Variants in RASGEF1A observed in about 807,000 individuals in gnomAD.
The protein encoded by RASGEF1A is RasGEF domain family member 1A.
Under a neutral mutation model 56.4 loss-of-function variants are expected in RASGEF1A, and 18 were observed. The observed-to-expected ratio is 0.32, with a 90% confidence interval of 0.22 to 0.47. RASGEF1A has a LOEUF of 0.47. RASGEF1A is among the 20% of genes least tolerant of loss of function. RASGEF1A has a pLI of 1.00. For synonymous variants in RASGEF1A, 245 were observed against 242.6 expected (o/e 1.01, Z -0.09); for missense variants, 422 against 627.1 (o/e 0.67, Z 3.49).
intron 4 of RASGEF1A, among the ~76,000 whole-genome samples, chr10:43,201,362 G>T (rs1015197241): frequency 6.6e-6 from 1 of 152,194 alleles, no homozygotes; most frequent in African/African-American, 2.4e-5. Flanking sequence ...TTCCACTGTG[G>T]AGGCCCAGTT....
chr10:43,205,982 G>A lies in RASGEF1A; in HGVS notation c.135C>T (p.Leu45=). ...TCAGGGCCTCCAGGGACCCAGAGAT[G>A]AGGTGTCCATCTTGGAAGATGAGGT... is the stretch of plus-strand genomic sequence containing the variant. ...SGDLIFQDGH[L]ISGSLEALME... Residue 45 remains leucine, a synonymous_variant, in exon 2 of 13, where the codon CTC becomes CTT. Transcript: ENST00000395810. 1 of 1,613,270 alleles carries A rather than the reference G, an allele frequency of 6.2e-7. No individual in the cohort carries two copies. The highest frequency in any genetic ancestry group is 8.5e-7 in the Non-Finnish European group (1 of 1,179,968).
At chr10:43,219,787 A>G (rs1313682014) in intron 1 of RASGEF1A, among the ~76,000 whole-genome samples, 1 of 152,244 alleles carries the variant, frequency 6.6e-6, no homozygotes, top group Admixed American at 6.5e-5. Context: ...GATATGGAAT[A>G]AAAGACATAT....
intron 1 of RASGEF1A, among the ~76,000 whole-genome samples, chr10:43,218,923 G>C (rs1303648431): frequency 1.3e-5 from 2 of 152,238 alleles, no homozygotes; most frequent in Non-Finnish European, 2.9e-5. Context: ...AAGGAATCTG[G>C]TCGTCTCCTC....
At chr10:43,199,403 T>G (rs1215886730) in intron 7 of RASGEF1A, among the ~76,000 whole-genome samples, 1 of 152,150 alleles carries the variant, frequency 6.6e-6, no homozygotes, top group Non-Finnish European at 1.5e-5. Context: ...GAAGGCACCA[T>G]CTGCCCCAGA....
At chr10:43,217,489 A>G (rs904726004) in intron 1 of RASGEF1A, among the ~76,000 whole-genome samples, 1 of 152,188 alleles carries the variant, frequency 6.6e-6, no homozygotes, top group Admixed American at 6.5e-5. Flanking sequence ...AGGCTGGGTG[A>G]CCAGCCACTG....
intron 6 of RASGEF1A, 46 bp downstream of exon 6, chr10:43,200,135 TG>T: frequency 6.7e-7 from 1 of 1,487,598 alleles, no homozygotes; most frequent in Non-Finnish European, 9.2e-7. Context: ...GCGCAAGTGC[TG>T]GGCAGACAGG....
intron 1 of RASGEF1A, among the ~76,000 whole-genome samples, chr10:43,260,140 G>A (rs1175342167): frequency 6.6e-6 from 1 of 152,276 alleles, no homozygotes; most frequent in East Asian, 1.9e-4. Flanking sequence ...CAGAGCCCTT[G>A]GACAGTAGGC....
At chr10:43,227,391 G>A (rs1331223350) in intron 1 of RASGEF1A, among the ~76,000 whole-genome samples, 2 of 145,780 alleles carry the variant, frequency 1.4e-5, no homozygotes, top group African/African-American at 4.9e-5. Flanking sequence ...GCCAGGCCTG[G>A]ACCCCCAATG....
At chr10:43,197,477 G>A (rs759840000) in intron 10 of RASGEF1A, among the ~76,000 whole-genome samples, 4 of 152,156 alleles carry the variant, frequency 2.6e-5, no homozygotes, top group Non-Finnish European at 5.9e-5. Context: ...TGGGACCTTC[G>A]GAAGGATCCC....
chr10:43,257,143 G>C (rs186391804), intron 1 of RASGEF1A, among the ~76,000 whole-genome samples: 78 of 152,326 alleles, frequency 5.1e-4, no homozygotes, highest in African/African-American at 1.8e-3. Flanking sequence ...AGGTGGGGGT[G>C]AGGGTGAGCA....
intron 1 of RASGEF1A, among the ~76,000 whole-genome samples, chr10:43,259,701 G>A (rs1412241683): frequency 6.6e-6 from 1 of 152,194 alleles, no homozygotes; most frequent in Admixed American, 6.5e-5. Context: ...CACAGAACAA[G>A]CACTCAGAAG....
At chr10:43,217,549 C>T (rs898817146) in intron 1 of RASGEF1A, among the ~76,000 whole-genome samples, 9 of 152,342 alleles carry the variant, frequency 5.9e-5, no homozygotes, top group Admixed American at 1.3e-4. Context: ...GGAAGAAGGC[C>T]GGGTGACCGG....
chr10:43,261,875 C>G (rs1054378988), intron 1 of RASGEF1A, among the ~76,000 whole-genome samples: 1 of 152,232 alleles, frequency 6.6e-6, no homozygotes, highest in Non-Finnish European at 1.5e-5. Flanking sequence ...ACAGAACTAG[C>G]CTACAGAGAA....
At chr10:43,220,604 T>A (rs1248314202) in intron 1 of RASGEF1A, among the ~76,000 whole-genome samples, 2 of 151,954 alleles carry the variant, frequency 1.3e-5, no homozygotes, top group Non-Finnish European at 2.9e-5. Context: ...ACCAACATGG[T>A]GAAACCCCAT....
At chr10:43,204,110 G>A (rs566164161) in intron 2 of RASGEF1A, among the ~76,000 whole-genome samples, 7 of 152,332 alleles carry the variant, frequency 4.6e-5, no homozygotes, top group Admixed American at 3.3e-4. Context: ...TGTCTAATGA[G>A]GGTCAATGTC....
chr10:43,262,569 C>T (rs538116138), intron 1 of RASGEF1A, among the ~76,000 whole-genome samples: 10 of 152,368 alleles, frequency 6.6e-5, no homozygotes, highest in African/African-American at 1.2e-4. Flanking sequence ...GCACCTCCCA[C>T]GGATGTTCGC....
chr10:43,197,446 C>T (rs552382680), intron 10 of RASGEF1A, among the ~76,000 whole-genome samples: 73 of 152,342 alleles, frequency 4.8e-4, no homozygotes, highest in African/African-American at 1.5e-3. Flanking sequence ...CCAACCAGAA[C>T]GTGTCATGAT....
chr10:43,259,755 G>A (rs1246540831), intron 1 of RASGEF1A, among the ~76,000 whole-genome samples: 1 of 152,202 alleles, frequency 6.6e-6, no homozygotes, highest in Non-Finnish European at 1.5e-5. Flanking sequence ...TAGGCCAGAG[G>A]AGGGGGGCGT....
intron 7 of RASGEF1A, 85 bp from the exon 8 acceptor site, chr10:43,199,279 G>T: frequency 3.9e-6 from 4 of 1,019,286 alleles, no homozygotes; most frequent in South Asian, 2.7e-5. Flanking sequence ...AGAGGGGCAG[G>T]GAGGACCTCG....
Sources: gnomAD v4.1 joint callset for allele counts (sites outside exome capture counted in the v4.1 genomes callset) on GRCh38, gnomAD v4.1.1 for gene constraint, MANE v1.5 for transcripts, NCBI Gene and HGNC (gene_info 2026-07-23, HGNC 2026-07-21) for gene names.